DYNLRB2: variants seen among roughly 807,000 people sequenced by gnomAD.
DYNLRB2 encodes bithoraxoid-like protein.
In DYNLRB2, 14 loss-of-function variants were observed where a neutral mutation model predicts 12.6. The observed-to-expected ratio is 1.11, with a 90% CI of 0.73 to 1.73. The LOEUF (loss-of-function observed/expected upper bound fraction) is 1.73, where lower values mean the gene tolerates loss of function less well. Among genes scored for constraint, DYNLRB2 ranks in the 40% most tolerant of loss-of-function variants. The pLI is 0.00. For missense variants in DYNLRB2, 142 were observed against 117.7 expected (o/e 1.21, Z -0.95); for synonymous variants, 53 against 37.0 (o/e 1.43, Z -1.57).
chr16:80,542,436 T>C (rs1021284298), intron 1 of DYNLRB2, among the ~76,000 whole-genome samples: 5 of 152,166 alleles, frequency 3.3e-5, no homozygotes, highest in Non-Finnish European at 7.4e-5. Flanking sequence ...AGGAAAACTA[T>C]CTTGAAGTAA....
In DYNLRB2 at chr16:80,549,726, G is replaced by A. The variant is rs966585147; in HGVS notation, c.247+75G>A. ...ATTAAAAGCCTTGTTTCTATGAATG[G>A]TAAGTACAGATTTTAGTATAGAATA... On this transcript the variant is annotated intron_variant, in intron 3 of 3. Coordinates refer to ENST00000305904, the MANE Select transcript of DYNLRB2 (RefSeq NM_130897.3). 34 of 1,412,150 alleles carry A rather than the reference G, an allele frequency of 2.4e-5. No individual in the cohort carries two copies. The African/African-American group carries it at 4.6e-4, about 19-fold the overall frequency. The allele number at this position is 1,412,150 out of a possible 1,614,324, so 87.5% of individuals were successfully genotyped here.
At chr16:80,546,020 G>T (rs1319813427) in intron 2 of DYNLRB2, among the ~76,000 whole-genome samples, 1 of 152,108 alleles carries the variant, frequency 6.6e-6, no homozygotes, top group Admixed American at 6.6e-5. Flanking sequence ...GTTTGTATTA[G>T]AATTCAGGAC....
At chr16:80,545,987 C>T (rs1033232394) in intron 2 of DYNLRB2, among the ~76,000 whole-genome samples, 2 of 152,068 alleles carry the variant, frequency 1.3e-5, no homozygotes, top group Admixed American at 1.3e-4. Context: ...CCATTAACTT[C>T]TAATTAACCT....
At chr16:80,542,330 A>G (rs561284971) in intron 1 of DYNLRB2, among the ~76,000 whole-genome samples, 1 of 152,240 alleles carries the variant, frequency 6.6e-6, no homozygotes, top group Non-Finnish European at 1.5e-5. Context: ...AATGGCAAGA[A>G]TCATGAATCT....
intron 1 of DYNLRB2, 193 bp downstream of exon 1, chr16:80,541,272 G>A (rs928423692): frequency 1.1e-6 from 1 of 952,172 alleles, no homozygotes; most frequent in Non-Finnish European, 1.3e-6. Flanking sequence ...CTAGATGACT[G>A]GAAGCTGTTT....
At chr16:80,541,271 T>C in intron 1 of DYNLRB2, 192 bp downstream of exon 1, 2 of 950,228 alleles carry the variant, frequency 2.1e-6, no homozygotes, top group Non-Finnish European at 2.5e-6. Flanking sequence ...TCTAGATGAC[T>C]GGAAGCTGTT....
At chr16:80,544,454 G>C (rs933324753) in intron 2 of DYNLRB2, among the ~76,000 whole-genome samples, 1 of 152,178 alleles carries the variant, frequency 6.6e-6, no homozygotes, top group Non-Finnish European at 1.5e-5. Flanking sequence ...GGGAAGAGAG[G>C]ATTTAAGATC....
At chr16:80,546,684 C>T (rs981224589) in intron 2 of DYNLRB2, among the ~76,000 whole-genome samples, 6 of 152,148 alleles carry the variant, frequency 3.9e-5, no homozygotes, top group Admixed American at 2.0e-4. Context: ...ATTTGTCACC[C>T]GGGCAGTCAG....
At position 80,543,147 on chromosome 16, in the gene DYNLRB2, T is replaced by C. The variant is rs1001016132; in HGVS notation, c.4-129T>C. The C allele has an allele frequency of 3.5e-6, 3 of 868,392 alleles. No homozygotes were observed. In the African/African-American group the frequency reaches 5.1e-5, roughly 15 times the overall value. 53.8% of individuals were successfully genotyped at this position (868,392 alleles called of 1,614,324 possible). A position where few individuals can be genotyped will look rare whatever the true frequency, so the allele number is the denominator to read the frequency against. ...ATTTCTAAGCTGTCTTTTAAAAATC[T>C]GAGATTATCACACCTGGCACCTTAG... is the stretch of plus-strand genomic sequence containing the variant. On this transcript the variant is annotated intron_variant, in intron 1 of 3. Coordinates refer to ENST00000305904, the MANE Select transcript of DYNLRB2 (RefSeq NM_130897.3).
intron 1 of DYNLRB2, among the ~76,000 whole-genome samples, chr16:80,542,246 A>C (rs1904294558): frequency 6.6e-6 from 1 of 152,216 alleles, no homozygotes; most frequent in Admixed American, 6.5e-5. Flanking sequence ...TTCCTCTTAA[A>C]ATGCATTTAT....
chr16:80,541,197 G>T, intron 1 of DYNLRB2, 118 bp downstream of exon 1: 1 of 1,459,650 alleles, frequency 6.9e-7, no homozygotes. Flanking sequence ...CGCGGCGGAG[G>T]CTGGTGGCTC....
chr16:80,546,361 G>A (rs1361451420), intron 2 of DYNLRB2, among the ~76,000 whole-genome samples: 3 of 152,112 alleles, frequency 2.0e-5, no homozygotes, highest in East Asian at 1.9e-4. Flanking sequence ...TTCTACTAGC[G>A]GTTTTGGTCT....
upstream of DYNLRB2, chr16:80,540,942 G>C: frequency 6.6e-7 from 1 of 1,515,156 alleles, no homozygotes; most frequent in South Asian, 1.2e-5. Context: ...AAGCCGACTC[G>C]CGAGCGCGCA....
At chr16:80,544,081 T>A (rs187162686) in intron 2 of DYNLRB2, among the ~76,000 whole-genome samples, 15 of 152,324 alleles carry the variant, frequency 9.8e-5, no homozygotes, top group Admixed American at 6.5e-4. Flanking sequence ...CTACTTTACA[T>A]AATTTGTGGT....
upstream of DYNLRB2, chr16:80,540,759 C>CAATG (rs1326572750): frequency 4.3e-6 from 3 of 702,810 alleles, no homozygotes; most frequent in African/African-American, 5.2e-5. Flanking sequence ...ATTCGTGCCT[C>CAATG]AATGAATGAA....
chr16:80,543,928 A>G (rs537592085), intron 2 of DYNLRB2, among the ~76,000 whole-genome samples: 1 of 152,366 alleles, frequency 6.6e-6, no homozygotes, highest in Admixed American at 6.5e-5. Flanking sequence ...AAGAATCCAC[A>G]TCACATTTAC....
rs1477789107 is a variant in DYNLRB2 at position 80,543,464 on chromosome 16, A to G, written c.79+113A>G. The G allele has an allele frequency of 7.0e-6, 7 of 995,152 alleles. No individual in the cohort carries two copies. In the Admixed American group the frequency reaches 9.5e-5, roughly 14 times the overall value. 61.6% of individuals were successfully genotyped at this position (995,152 alleles called of 1,614,324 possible). On this transcript the variant is annotated intron_variant, in intron 2 of 3. Transcript: ENST00000305904. ...AATTTGACATCAAAAATATATTTAT[A>G]TATTTTAGCTCTGGCATTCACTTAC... is the stretch of plus-strand genomic sequence containing the variant.
chr16:80,540,780 AAC>A, upstream of DYNLRB2: 1 of 703,724 alleles, frequency 1.4e-6, no homozygotes. Context: ...TGAATGGACA[AAC>A]ACAGGCCGGG....
rs377144407 is a variant in DYNLRB2, at chr16:80,548,820, CA to C, written c.80-662del. 7.9e-3 allele frequency: 3,082 copies of C among 391,422 alleles called. 19 individuals are homozygous for C. Among genetic ancestry groups the C allele is most frequent in the Non-Finnish European group, 0.011 (2,045 of 188,968 alleles). 24.2% of individuals were successfully genotyped at this position (391,422 alleles called of 1,614,324 possible). On this transcript the variant is annotated intron_variant, in intron 2 of 3. Coordinates refer to ENST00000305904, the MANE Select transcript of DYNLRB2 (RefSeq NM_130897.3). ...AACCACGGAATGCACAGCAAAACTA[CA>C]ATATCCTTATTACCACATTTTCTAA...
Sources: gnomAD v4.1 joint callset for allele counts (sites outside exome capture counted in the v4.1 genomes callset) on GRCh38, gnomAD v4.1.1 for gene constraint, MANE v1.5 for transcripts, NCBI Gene and HGNC (gene_info 2026-07-23, HGNC 2026-07-21) for gene names.